IL1RAPL1: variants seen among roughly 807,000 people sequenced by gnomAD.
IL1RAPL1 encodes interleukin-1 receptor accessory protein-like 1.
In IL1RAPL1, 3 loss-of-function variants were observed where a neutral mutation model predicts 48.4. That is an observed-to-expected ratio of 0.06 (90% CI 0.03 to 0.16). The LOEUF (loss-of-function observed/expected upper bound fraction) is 0.16. IL1RAPL1 is among the 10% of genes least tolerant of loss of function. The probability of loss-of-function intolerance (pLI) is 1.00; values close to 1 mark genes in which losing one functional copy is unlikely to be tolerated. For synonymous variants in IL1RAPL1, 185 were observed against 187.7 expected (o/e 0.99, Z 0.12); for missense variants, 349 against 530.6 (o/e 0.66, Z 3.36).
chrX:28,656,111 A>G (rs1214688993), intron 1 of IL1RAPL1, among the ~76,000 whole-genome samples: 3 of 112,257 alleles, frequency 2.7e-5, no homozygotes, highest in East Asian at 2.8e-4. Flanking sequence ...AAATTGTAGG[A>G]TAAGATATCA....
intron 2 of IL1RAPL1, among the ~76,000 whole-genome samples, chrX:29,024,300 G>A (rs752117128): frequency 7.6e-4 from 85 of 111,565 alleles, no homozygotes; most frequent in African/African-American, 2.5e-3. Flanking sequence ...ACCCTAATTA[G>A]GGATAAGATA....
At chrX:29,535,475 C>T (rs937009938) in intron 5 of IL1RAPL1, among the ~76,000 whole-genome samples, 4 of 111,572 alleles carry the variant, frequency 3.6e-5, no homozygotes, top group Non-Finnish European at 7.5e-5. Flanking sequence ...TGTGGGGTAC[C>T]ATCCTAGGGC....
In IL1RAPL1 at chrX:29,525,694, G is replaced by A. The variant is rs190279977; in HGVS notation, c.703+126386G>A. On this transcript the variant is annotated intron_variant, in intron 5 of 10. Coordinates refer to ENST00000378993, the MANE Select transcript of IL1RAPL1 (RefSeq NM_014271.4). ...GTCATCTGCTGATGTGACTGTATTG[G>A]TGATGTGGAATATTAACGTGGAACA... Among the ~76,000 whole-genome samples, 81 of 112,174 alleles carry A rather than the reference G, an allele frequency of 7.2e-4. 1 individual carries two copies. The highest frequency in any genetic ancestry group is 2.6e-3 in the African/African-American group (79 of 30,905).
Position 29,318,597 on chromosome X carries a change from C to T in IL1RAPL1, c.362+35380C>T, listed in dbSNP as rs369975795. On this transcript the variant is annotated intron_variant, in intron 3 of 10. Transcript: ENST00000378993. ...ATAGAGTTCAGTGTTTGTTTTATTT[C>T]ACAGAAAGATGCCTATGCAACTTGT... is the stretch of plus-strand genomic sequence containing the variant. Among the ~76,000 whole-genome samples the T allele has an allele frequency of 9.6e-3, 1,075 of 112,314 alleles. 4 individuals are homozygous for T. The highest frequency in any genetic ancestry group is 0.015 in the Non-Finnish European group (790 of 53,217).
intron 2 of IL1RAPL1, among the ~76,000 whole-genome samples, chrX:29,157,335 G>A: frequency 9.0e-6 from 1 of 111,439 alleles, no homozygotes; most frequent in East Asian, 2.8e-4. Context: ...TCTATCTCTA[G>A]GCCCTAATTT....
At chrX:29,338,454 T>C (rs1933027529) in intron 3 of IL1RAPL1, among the ~76,000 whole-genome samples, 1 of 112,434 alleles carries the variant, frequency 8.9e-6, no homozygotes, top group South Asian at 3.7e-4. Context: ...TAGACAACAA[T>C]TGGCTGAAAG....
chrX:29,537,359 C>G (rs1202880640), intron 5 of IL1RAPL1, among the ~76,000 whole-genome samples: 2 of 110,405 alleles, frequency 1.8e-5, no homozygotes, highest in African/African-American at 3.3e-5. Flanking sequence ...GGTCCCAATA[C>G]TGAGCAATCT....
chrX:29,861,120 A>T (rs1353394171), intron 6 of IL1RAPL1, among the ~76,000 whole-genome samples: 1 of 112,038 alleles, frequency 8.9e-6, no homozygotes, highest in East Asian at 2.8e-4. Flanking sequence ...TTTTTCTTGA[A>T]GAGTGCAAAA....
chrX:29,136,660 C>A (rs1454480532), intron 2 of IL1RAPL1, among the ~76,000 whole-genome samples: 4 of 111,432 alleles, frequency 3.6e-5, no homozygotes, highest in African/African-American at 1.3e-4. Context: ...CTGCACCCAG[C>A]CTCACTGTGT....
chrX:28,968,116 T>A (rs777307663), intron 2 of IL1RAPL1, among the ~76,000 whole-genome samples: 1 of 111,705 alleles, frequency 9.0e-6, no homozygotes, highest in South Asian at 3.7e-4. Flanking sequence ...TGAAAGTCTC[T>A]TAGGTAAAGA....
At chrX:29,132,008 AAATTCATTTGGGGG>A (rs1451949882) in intron 2 of IL1RAPL1, among the ~76,000 whole-genome samples, 1 of 111,746 alleles carries the variant, frequency 8.9e-6, no homozygotes, top group Non-Finnish European at 1.9e-5. Context: ...TCTGATGTCA[AAATTCATTTGGGGG>A]TAAATTTAAG....
At chrX:29,864,737 C>A (rs1201160099) in intron 6 of IL1RAPL1, among the ~76,000 whole-genome samples, 2 of 112,070 alleles carry the variant, frequency 1.8e-5, no homozygotes, top group Non-Finnish European at 3.8e-5. Flanking sequence ...ATGTTTACCT[C>A]ATATGAAATT....
intron 5 of IL1RAPL1, among the ~76,000 whole-genome samples, chrX:29,502,426 CACTT>C (rs887278719): frequency 1.8e-5 from 2 of 111,263 alleles, no homozygotes; most frequent in African/African-American, 3.3e-5. Context: ...AATTTTTTCT[CACTT>C]AGTACAATAT....
At chrX:29,815,678 C>T (rs1158578871) in intron 6 of IL1RAPL1, among the ~76,000 whole-genome samples, 2 of 110,561 alleles carry the variant, frequency 1.8e-5, no homozygotes, top group African/African-American at 6.6e-5. Flanking sequence ...TATATGCTTC[C>T]AGCTTTTGCC....
chrX:28,975,887 G>T (rs1231553507), intron 2 of IL1RAPL1, among the ~76,000 whole-genome samples: 5 of 111,633 alleles, frequency 4.5e-5, no homozygotes, highest in African/African-American at 1.6e-4. Context: ...AGGAGATAAA[G>T]GATTGAGGTA....
chrX:28,870,749 C>A (rs758731048), intron 2 of IL1RAPL1, among the ~76,000 whole-genome samples: 1 of 111,373 alleles, frequency 9.0e-6, no homozygotes, highest in Non-Finnish European at 1.9e-5. Context: ...GTTTGACCAC[C>A]TATGTGTTCT....
chrX:29,914,651 C>T (rs746112546), intron 6 of IL1RAPL1, among the ~76,000 whole-genome samples: 5 of 107,928 alleles, frequency 4.6e-5, no homozygotes, highest in African/African-American at 1.4e-4. Flanking sequence ...TTATTGAATT[C>T]GTGACTACCT....
chrX:29,386,602 G>GT lies in IL1RAPL1; in HGVS notation c.363-9655dup, dbSNP rs1179749725. Reference sequence around the variant, plus strand: ...TCTTTCACCAGGCTGGAGGGCAGTGGTGTGATCTTGTCTCACTGCAACCTC... The same window carrying GT: ...TCTTTCACCAGGCTGGAGGGCAGTGGTTGTGATCTTGTCTCACTGCAACCTC... On this transcript the variant is annotated intron_variant, in intron 3 of 10. Coordinates refer to ENST00000378993, the MANE Select transcript of IL1RAPL1 (RefSeq NM_014271.4). Among the ~76,000 whole-genome samples, 6 of 106,979 alleles carry GT rather than the reference G, an allele frequency of 5.6e-5. No individual in the cohort carries two copies. The South Asian group carries it at 2.5e-3, about 45-fold the overall frequency. 92.9% of individuals were successfully genotyped at this position (106,979 alleles called of 115,157 possible).
At chrX:28,903,404 GTCATGTATTTTCTTTCTT>G (rs1235281515) in intron 2 of IL1RAPL1, among the ~76,000 whole-genome samples, 3 of 96,153 alleles carry the variant, frequency 3.1e-5, no homozygotes, top group Admixed American at 1.2e-4. Flanking sequence ...ATAAGCTTCA[GTCATGTATTTTCTTTCTT>G]TCTTTTTTTT....
Sources: gnomAD v4.1 joint callset for allele counts (sites outside exome capture counted in the v4.1 genomes callset) on GRCh38, gnomAD v4.1.1 for gene constraint, MANE v1.5 for transcripts, NCBI Gene and HGNC (gene_info 2026-07-23, HGNC 2026-07-21) for gene names.